Variants in SEC24D observed in about 807,000 individuals in gnomAD.
SEC24D encodes protein transport protein Sec24D.
SEC24D carries 69 observed loss-of-function variants against 116.9 expected under a neutral mutation model. The ratio of observed to expected loss-of-function variants is 0.59; its 90% CI spans 0.49 to 0.72. SEC24D has a LOEUF of 0.72. Ranked by LOEUF, SEC24D falls within the 30% of genes least tolerant of loss-of-function variation. The pLI is 0.00. For missense variants in SEC24D, 1,131 were observed against 1,264.1 expected (o/e 0.89, Z 1.60); for synonymous variants, 405 against 442.8 (o/e 0.91, Z 1.07).
At chr4:118,793,519 A>C (rs1729039900) in intron 8 of SEC24D, among the ~76,000 whole-genome samples, 1 of 151,128 alleles carries the variant, frequency 6.6e-6, no homozygotes, top group African/African-American at 2.4e-5. Flanking sequence ...GGTAGCACAC[A>C]GACTTGCATC....
chr4:118,797,139 A>G (rs976614973), intron 8 of SEC24D, among the ~76,000 whole-genome samples: 2 of 152,228 alleles, frequency 1.3e-5, no homozygotes, highest in African/African-American at 2.4e-5. Flanking sequence ...CAGATTTTCA[A>G]TGTAAACCAC....
At chr4:118,795,173 A>G (rs1729117744) in intron 8 of SEC24D, among the ~76,000 whole-genome samples, 4 of 151,942 alleles carry the variant, frequency 2.6e-5, no homozygotes, top group African/African-American at 2.4e-5. Flanking sequence ...ACATATTGTT[A>G]TAGATACCTG....
chr4:118,786,638 T>C lies in SEC24D; in HGVS notation c.1041+11045A>G, dbSNP rs10008072. 2.6e-5 allele frequency among the ~76,000 whole-genome samples: 4 copies of C among 152,246 alleles called. No homozygotes were observed. The South Asian group carries it at 8.3e-4, about 31-fold the overall frequency. On this transcript the variant is annotated intron_variant, in intron 8 of 22. Transcript: ENST00000280551. ...TAAGAAGCCTTTTCAATAAGGCATA[T>C]TCCTATTTTTAAAATGTTAAAATAT... is the stretch of plus-strand genomic sequence containing the variant.
At chr4:118,826,513 A>T (rs934304241) in intron 2 of SEC24D, among the ~76,000 whole-genome samples, 1 of 152,224 alleles carries the variant, frequency 6.6e-6, no homozygotes, top group East Asian at 1.9e-4. Context: ...TTTTAAAAAC[A>T]TTATTTTGGA....
At chr4:118,739,621 C>T (rs965979366) in intron 17 of SEC24D, among the ~76,000 whole-genome samples, 1 of 152,152 alleles carries the variant, frequency 6.6e-6, no homozygotes, top group East Asian at 1.9e-4. Flanking sequence ...AGAAACAATA[C>T]CTTCATGTGC....
chr4:118,734,789 A>G (rs201601423), intron 19 of SEC24D, among the ~76,000 whole-genome samples: 1 of 152,196 alleles, frequency 6.6e-6, no homozygotes, highest in Non-Finnish European at 1.5e-5. Flanking sequence ...ATGTTTATTC[A>G]TAAGAGTAGA....
rs139639335 is a variant in SEC24D, at chr4:118,824,654, T to G, written c.214A>C (p.Asn72His). ...GGGTGACCAGTGGCATGAGCTCCATTCTGACCAAACTGATGGGGTCCAGGA... is the reference window on the plus strand; with the variant it reads ...GGGTGACCAGTGGCATGAGCTCCATGCTGACCAAACTGATGGGGTCCAGGA... ...PPPGPHQFGQ[N>H]GAHATGHPPQ... The change falls in exon 3 of 23, where the codon AAT becomes CAT. Residue 72 changes from asparagine to histidine, a missense_variant. Transcript: ENST00000280551. 1 of 1,607,086 alleles carries G rather than the reference T, an allele frequency of 6.2e-7. No homozygotes were observed. The highest frequency in any genetic ancestry group is 8.5e-7 in the Non-Finnish European group (1 of 1,177,702).
rs780933433 is a variant in SEC24D at position 118,805,913 on chromosome 4, T to C, written c.843A>G (p.Gln281=). 1.9e-6 allele frequency: 3 copies of C among 1,596,912 alleles called. No individual in the cohort carries two copies. Among genetic ancestry groups the C allele is most frequent in the South Asian group, 1.2e-5 (1 of 86,530 alleles). ...GGCCTCTGGTGTTGGTGGCATAAACTTGTCCTCCTCTGCTGGCTCTATCAT... is the reference window on the plus strand; with the variant it reads ...GGCCTCTGGTGTTGGTGGCATAAACCTGTCCTCCTCTGCTGGCTCTATCAT... ...IENDRASRGG[Q]VYATNTRGQI... The change falls in exon 7 of 23, where the codon CAA becomes CAG. Residue 281 remains glutamine, a synonymous_variant. Coordinates refer to ENST00000280551, the MANE Select transcript of SEC24D (RefSeq NM_014822.4).
At chr4:118,763,545 T>G (rs959009615) in intron 10 of SEC24D, among the ~76,000 whole-genome samples, 1 of 152,178 alleles carries the variant, frequency 6.6e-6, no homozygotes, top group Non-Finnish European at 1.5e-5. Context: ...AGAATGGCCC[T>G]GTTTCTTCAA....
chr4:118,825,172 G>C (rs995513205), intron 2 of SEC24D, among the ~76,000 whole-genome samples: 1 of 152,330 alleles, frequency 6.6e-6, no homozygotes, highest in South Asian at 2.1e-4. Context: ...GCATGGGGGA[G>C]AACACTAGAA....
At chr4:118,740,317 C>T (rs1323654390) in intron 17 of SEC24D, among the ~76,000 whole-genome samples, 1 of 152,156 alleles carries the variant, frequency 6.6e-6, no homozygotes, top group Non-Finnish European at 1.5e-5. Context: ...TTTGTTATAG[C>T]AGCCCTAGCA....
Position 118,815,731 on chromosome 4 carries a change from G to A in SEC24D, c.398-5C>T. ...TTGGAGGAGCCATGCCTGAACCTGT[G>A]TGAGAAAGGAGACCAGCCCACTTAA... is the stretch of plus-strand genomic sequence containing the variant. On this transcript the variant is annotated splice_polypyrimidine_tract_variant and splice_region_variant and intron_variant, in intron 4 of 22. Coordinates refer to ENST00000280551, the MANE Select transcript of SEC24D (RefSeq NM_014822.4). 6.2e-7 allele frequency: 1 copy of A among 1,613,000 alleles called. No individual in the cohort carries two copies. Among genetic ancestry groups the A allele is most frequent in the Non-Finnish European group, 8.5e-7 (1 of 1,179,442 alleles).
Position 118,815,673 on chromosome 4 carries a change from A to T in SEC24D, c.451T>A (p.Ser151Thr). The change falls in exon 5 of 23, where the codon TCA (serine) becomes ACA (threonine). Residue 151 changes from serine to threonine, a missense_variant. Physicochemically the swap from Ser to Thr is moderately conservative, Grantham distance 58. Coordinates refer to ENST00000280551, the MANE Select transcript of SEC24D (RefSeq NM_014822.4). ...GGAGGTCGTGGAGGAGTCTGCAATGATGTGGCTGACAGAGGGCCAGGGGGT... is the reference window on the plus strand; with the variant it reads ...GGAGGTCGTGGAGGAGTCTGCAATGTTGTGGCTGACAGAGGGCCAGGGGGT... ...QGPPGPLSATSLQTPPRPPQP... is the reference protein window; with the variant it reads ...QGPPGPLSATTLQTPPRPPQP... 1 of 1,614,068 alleles carries T rather than the reference A, an allele frequency of 6.2e-7. No homozygotes were observed. Among genetic ancestry groups the T allele is most frequent in the Non-Finnish European group, 8.5e-7 (1 of 1,179,984 alleles).
chr4:118,772,418 A>G (rs1442022274), intron 8 of SEC24D, among the ~76,000 whole-genome samples: 1 of 152,222 alleles, frequency 6.6e-6, no homozygotes, highest in East Asian at 1.9e-4. Context: ...TGGTTTAAAA[A>G]TATTCCGGGC....
intron 19 of SEC24D, among the ~76,000 whole-genome samples, chr4:118,737,041 C>G (rs1425335306): frequency 6.6e-6 from 1 of 152,204 alleles, no homozygotes. Flanking sequence ...ATCTGTACTG[C>G]TTCAACTAAT....
intron 6 of SEC24D, among the ~76,000 whole-genome samples, chr4:118,808,670 C>CT (rs2110516653): frequency 1.3e-5 from 2 of 152,244 alleles, no homozygotes; most frequent in African/African-American, 4.8e-5. Flanking sequence ...GACTTGGTAC[C>CT]TGAAGGGTTT....
At chr4:118,749,080 A>G (rs1344908989) in intron 13 of SEC24D, among the ~76,000 whole-genome samples, 2 of 151,874 alleles carry the variant, frequency 1.3e-5, no homozygotes, top group African/African-American at 4.8e-5. Flanking sequence ...TAGCTAACTC[A>G]GAAAACTGTT....
chr4:118,732,719 C>A lies in SEC24D; in HGVS notation c.2676+14G>T. 4 of 1,612,574 alleles carry A rather than the reference C, an allele frequency of 2.5e-6. No homozygotes were observed. Among genetic ancestry groups the A allele is most frequent in the Non-Finnish European group, 3.4e-6 (4 of 1,179,108 alleles). ...CAGCCTCCTCTGGGAAATGCACCAC[C>A]CCAGCATGCTTACTATGGGCAGAAG... is the stretch of plus-strand genomic sequence containing the variant. On this transcript the variant is annotated intron_variant, in intron 20 of 22. Transcript: ENST00000280551.
intron 15 of SEC24D, among the ~76,000 whole-genome samples, chr4:118,742,262 G>A (rs971842017): frequency 2.1e-4 from 32 of 151,948 alleles, no homozygotes; most frequent in Non-Finnish European, 3.8e-4. Context: ...TTGAAGCCAA[G>A]TCACTACCAT....
Sources: allele counts gnomAD v4.1 joint callset (sites outside exome capture counted in the v4.1 genomes callset), GRCh38; gene constraint gnomAD v4.1.1; transcripts MANE v1.5; gene names NCBI Gene and HGNC (gene_info 2026-07-23, HGNC 2026-07-21).